The following CCDC91 variants were observed in gnomAD, a reference collection of about 807,000 sequenced individuals.
The protein encoded by CCDC91 is coiled-coil domain containing 91.
A neutral mutation model predicts 63.2 loss-of-function variants in CCDC91; 48 were observed. The observed-to-expected ratio is 0.76, with a 90% CI of 0.60 to 0.97. The LOEUF (loss-of-function observed/expected upper bound fraction) is 0.97, where lower values mean the gene tolerates loss of function less well. Among genes scored for constraint, CCDC91 ranks in the 50% least tolerant of loss-of-function variants. CCDC91 has a pLI of 0.00. For synonymous variants in CCDC91, 167 were observed against 165.8 expected (o/e 1.01, Z -0.06); for missense variants, 500 against 494.6 (o/e 1.01, Z -0.10).
At chr12:28,264,562 G>GGC (rs1426365937) in intron 3 of CCDC91, among the ~76,000 whole-genome samples, 15 of 103,058 alleles carry the variant, frequency 1.5e-4, no homozygotes, top group East Asian at 1.2e-3. Flanking sequence ...TAAGAATATA[G>GGC]GCACATATAT....
chr12:28,456,220 T>C (rs968219684), intron 11 of CCDC91, among the ~76,000 whole-genome samples: 2 of 152,102 alleles, frequency 1.3e-5, no homozygotes, highest in African/African-American at 4.8e-5. Context: ...ACACACAACA[T>C]TAAGCAAGAT....
chr12:28,358,809 A>G (rs1592415945), intron 6 of CCDC91, among the ~76,000 whole-genome samples: 1 of 152,228 alleles, frequency 6.6e-6, no homozygotes, highest in African/African-American at 2.4e-5. Context: ...TGAACATGCA[A>G]TATCTGGGGT....
chr12:28,391,384 C>A lies in CCDC91; in HGVS notation c.735C>A (p.His245Gln). The A allele has an allele frequency of 6.2e-7, 1 of 1,611,150 alleles. No homozygotes were observed. The highest frequency in any genetic ancestry group is 8.5e-7 in the Non-Finnish European group (1 of 1,177,490). Residue 245 changes from histidine (H) to glutamine (Q), a missense_variant, in exon 8 of 13, where the codon CAC (histidine) becomes CAA (glutamine). Physicochemically the swap from His to Gln is conservative, Grantham distance 24. Transcript: ENST00000536442. ...QYISAIEKQA[H>Q]KCEELLNAQH... Reference sequence around the variant, plus strand: ...TTTCTGCAATTGAGAAACAGGCACACAAGTGTGAGGAGTTGCTAAATGCTC... The same window carrying A: ...TTTCTGCAATTGAGAAACAGGCACAAAAGTGTGAGGAGTTGCTAAATGCTC...
intron 6 of CCDC91, among the ~76,000 whole-genome samples, chr12:28,338,110 G>GGTGC (rs1402745369): frequency 1.3e-5 from 2 of 151,958 alleles, no homozygotes; most frequent in African/African-American, 4.8e-5. Context: ...AGGTGGTGAT[G>GGTGC]GTGCTTTGAA....
chr12:28,199,742 T>G (rs118128179), intron 1 of CCDC91, among the ~76,000 whole-genome samples: 108 of 152,356 alleles, frequency 7.1e-4, no homozygotes, highest in Middle Eastern at 6.8e-3. Flanking sequence ...GTCTTTTTCT[T>G]TTAGGAATTT....
intron 1 of CCDC91, among the ~76,000 whole-genome samples, chr12:28,245,070 TATTTATAGA>T (rs1261511324): frequency 6.6e-6 from 1 of 152,066 alleles, no homozygotes; most frequent in Non-Finnish European, 1.5e-5. Context: ...TCTTTAGGGG[TATTTATAGA>T]ATGTTATCAG....
chr12:28,201,101 C>T (rs1345485258), intron 1 of CCDC91, among the ~76,000 whole-genome samples: 33,562 of 141,888 alleles, frequency 0.24, 4,396 homozygotes, highest in Non-Finnish European at 0.28. Flanking sequence ...CCTCACCTCC[C>T]GGACGGGGCG....
chr12:28,449,769 A>G (rs1323475565), intron 8 of CCDC91, among the ~76,000 whole-genome samples: 1 of 151,976 alleles, frequency 6.6e-6, no homozygotes, highest in Non-Finnish European at 1.5e-5. Context: ...TTCATCAAGC[A>G]GATATTTTAT....
chr12:28,357,439 G>A (rs1472014871), intron 6 of CCDC91, among the ~76,000 whole-genome samples: 1 of 152,080 alleles, frequency 6.6e-6, no homozygotes, highest in Non-Finnish European at 1.5e-5. Flanking sequence ...ATAAATTGAT[G>A]AATGACTATT....
chr12:28,457,642 C>T (rs1950113394), intron 11 of CCDC91, among the ~76,000 whole-genome samples: 2 of 151,490 alleles, frequency 1.3e-5, no homozygotes, highest in South Asian at 4.2e-4. Context: ...AAACCGAGTA[C>T]CTAAGGATTG....
intron 11 of CCDC91, 32 bp from the exon 12 acceptor site, chr12:28,484,020 T>C: frequency 7.4e-7 from 1 of 1,351,672 alleles, no homozygotes; most frequent in Middle Eastern, 1.8e-4. Flanking sequence ...AGTGCTCACC[T>C]CCCTGACTGT....
At chr12:28,457,023 C>T (rs563871567) in intron 11 of CCDC91, among the ~76,000 whole-genome samples, 5 of 152,202 alleles carry the variant, frequency 3.3e-5, no homozygotes, top group East Asian at 3.9e-4. Flanking sequence ...TAGTTTCACA[C>T]GTAACAGTTT....
At chr12:28,347,311 G>A (rs1942877022) in intron 6 of CCDC91, among the ~76,000 whole-genome samples, 1 of 152,174 alleles carries the variant, frequency 6.6e-6, no homozygotes, top group South Asian at 2.1e-4. Context: ...ACTCTTTAGA[G>A]TTGTTAATGT....
chr12:28,450,166 G>A lies in CCDC91; in HGVS notation c.768G>A (p.Gln256=), dbSNP rs1319978443. 2 of 1,594,112 alleles carry A rather than the reference G, an allele frequency of 1.3e-6. No individual in the cohort carries two copies. The highest frequency in any genetic ancestry group is 2.2e-5 in the East Asian group (1 of 44,590). Residue 256 remains glutamine (Q), a synonymous_variant, in exon 9 of 13, where the codon CAG becomes CAA. Transcript: ENST00000536442. The stretch of plus-strand genomic sequence containing the variant: ...TTGCTTATCATTCCTTGTAGCATCA[G>A]AGGCTCCTTGAAATGCTAGATACAG... ...KCEELLNAQH[Q]RLLEMLDTEK...
intron 3 of CCDC91, among the ~76,000 whole-genome samples, chr12:28,275,278 T>C (rs1948121647): frequency 6.6e-6 from 1 of 151,972 alleles, no homozygotes; most frequent in South Asian, 2.1e-4. Context: ...TAAAAAATGA[T>C]AAAGGGGATA....
At chr12:28,460,110 A>G (rs560286177) in intron 11 of CCDC91, among the ~76,000 whole-genome samples, 2 of 152,284 alleles carry the variant, frequency 1.3e-5, no homozygotes, top group South Asian at 2.1e-4. Context: ...CCTCAGGTAT[A>G]TAAACTCTGT....
At chr12:28,478,870 C>A (rs1476714711) in intron 11 of CCDC91, among the ~76,000 whole-genome samples, 3 of 152,182 alleles carry the variant, frequency 2.0e-5, no homozygotes, top group Non-Finnish European at 2.9e-5. Context: ...AAATGCTCAT[C>A]ATCACTGGCC....
intron 1 of CCDC91, among the ~76,000 whole-genome samples, chr12:28,193,494 A>G (rs1591927363): frequency 1.3e-5 from 2 of 152,204 alleles, no homozygotes; most frequent in Middle Eastern, 3.4e-3. Flanking sequence ...CCAGCTACTC[A>G]GGAGGCTGAG....
chr12:28,470,031 T>A (rs1031923118), intron 11 of CCDC91, among the ~76,000 whole-genome samples: 1 of 152,250 alleles, frequency 6.6e-6, no homozygotes, highest in East Asian at 1.9e-4. Flanking sequence ...GGGCAAAGAT[T>A]TCTTGAGTAT....
Sources: gnomAD v4.1 joint callset for allele counts (sites outside exome capture counted in the v4.1 genomes callset) on GRCh38, gnomAD v4.1.1 for gene constraint, MANE v1.5 for transcripts, NCBI Gene and HGNC (gene_info 2026-07-23, HGNC 2026-07-21) for gene names.